RP1: variants seen among roughly 807,000 people sequenced by gnomAD.
The protein encoded by RP1 is RP1 axonemal microtubule associated.
In RP1, 16 loss-of-function variants were observed where a neutral mutation model predicts 14.8. That is an observed-to-expected ratio of 1.08 (90% CI 0.73 to 1.65). The LOEUF (loss-of-function observed/expected upper bound fraction) is 1.65, where lower values mean the gene tolerates loss of function less well. Ranked by LOEUF, RP1 falls within the 40% of genes most tolerant of loss-of-function variation. RP1 has a pLI of 0.00. For missense variants in RP1, 2,631 were observed against 2,535.0 expected (o/e 1.04, Z -0.81); for synonymous variants, 876 against 883.6 (o/e 0.99, Z 0.15).
intron 16 of RP1, among the ~76,000 whole-genome samples, chr8:54,721,897 G>A (rs1430847597): frequency 1.3e-5 from 2 of 152,154 alleles, no homozygotes; most frequent in African/African-American, 4.8e-5. Flanking sequence ...ATTTCTGAGT[G>A]TTAAAAACTC....
At chr8:54,859,591 TGGTGTCACTGTAGAGG>T (rs1339152206) in intron 27 of RP1, among the ~76,000 whole-genome samples, 10 of 151,406 alleles carry the variant, frequency 6.6e-5, no homozygotes, top group Non-Finnish European at 1.3e-4. Flanking sequence ...CACTGTAGGG[TGGTGTCACTGTAGAGG>T]GGTGTCACTG....
At chr8:54,783,421 T>C (rs1810237592) in intron 23 of RP1, 1 of 463,234 alleles carries the variant, frequency 2.2e-6, no homozygotes, top group Non-Finnish European at 3.5e-6. Flanking sequence ...TAAGCAATTA[T>C]TTTAGTACTT....
At chr8:54,707,799 G>A (rs1286978315) in intron 15 of RP1, among the ~76,000 whole-genome samples, 2 of 152,180 alleles carry the variant, frequency 1.3e-5, no homozygotes, top group Admixed American at 6.5e-5. Flanking sequence ...ATGCAAAGGC[G>A]AAGCACATGC....
intron 1 of RP1, among the ~76,000 whole-genome samples, chr8:54,564,111 C>T (rs775214961): frequency 6.6e-5 from 10 of 152,136 alleles, no homozygotes; most frequent in East Asian, 1.9e-4. Flanking sequence ...TTCATGATCC[C>T]GGAATTGTCG....
downstream of RP1, among the ~76,000 whole-genome samples, chr8:54,772,556 G>T (rs916883399): frequency 6.6e-6 from 1 of 152,152 alleles, no homozygotes; most frequent in East Asian, 1.9e-4. Context: ...TTGTTGTGTA[G>T]TCTAAGTGTT....
At chr8:54,751,111 G>T (rs891381535) in intron 19 of RP1, among the ~76,000 whole-genome samples, 13 of 152,176 alleles carry the variant, frequency 8.5e-5, no homozygotes, top group Non-Finnish European at 1.9e-4. Flanking sequence ...AAGTCAGTGA[G>T]ACCACTAACC....
intron 12 of RP1, among the ~76,000 whole-genome samples, chr8:54,690,717 T>C (rs576416851): frequency 6.6e-6 from 1 of 152,154 alleles, no homozygotes; most frequent in South Asian, 2.1e-4. Context: ...GCACCTTTAC[T>C]GAGCTGCAGC....
intron 19 of RP1, among the ~76,000 whole-genome samples, chr8:54,748,239 C>T (rs999352026): frequency 1.3e-5 from 2 of 152,152 alleles, no homozygotes; most frequent in South Asian, 2.1e-4. Flanking sequence ...GTTACTTCTT[C>T]ACTTCAGGGT....
chr8:54,862,727 A>T (rs540254097), intron 27 of RP1, among the ~76,000 whole-genome samples: 1 of 152,036 alleles, frequency 6.6e-6, no homozygotes, highest in South Asian at 2.1e-4. Flanking sequence ...CCCCTGCAAC[A>T]CTGTCTTTTG....
chr8:54,751,613 A>G (rs1809372726), intron 19 of RP1, among the ~76,000 whole-genome samples: 1 of 152,220 alleles, frequency 6.6e-6, no homozygotes. Flanking sequence ...ATAGCAGTGC[A>G]AAGACATAAA....
chr8:54,614,326 T>G (rs73679491), upstream of RP1, among the ~76,000 whole-genome samples: 11,073 of 152,218 alleles, frequency 0.073, 1,273 homozygotes, highest in African/African-American at 0.25. Context: ...GCAATTGAAG[T>G]CATTCTCAGG....
At chr8:54,637,004 C>T (rs963343450) in intron 3 of RP1, among the ~76,000 whole-genome samples, 2 of 152,138 alleles carry the variant, frequency 1.3e-5, no homozygotes, top group Non-Finnish European at 2.9e-5. Flanking sequence ...TATTAGTTTG[C>T]ACCAGTCTGC....
chr8:54,811,130 G>C (rs975925123), intron 24 of RP1, among the ~76,000 whole-genome samples: 1 of 152,188 alleles, frequency 6.6e-6, no homozygotes, highest in Non-Finnish European at 1.5e-5. Context: ...TTAGAGAAGG[G>C]AGAAGCCCCT....
At chr8:54,661,036 G>C (rs1271771454) in intron 6 of RP1, among the ~76,000 whole-genome samples, 1 of 151,538 alleles carries the variant, frequency 6.6e-6, no homozygotes, top group African/African-American at 2.4e-5. Flanking sequence ...AAGGAAGCCT[G>C]AGTGTGGTGG....
rs577813969 is a variant in RP1 at position 54,582,017 on chromosome 8, T to C, written c.-13+22697T>C. ...AGCTCTTTAGTTTAATTAGATCCCA[T>C]TTGTCAATTTTGGCTTTTGTTGCCA... On this transcript the variant is annotated intron_variant, in intron 1 of 22. Transcript: ENST00000636932. Among the ~76,000 whole-genome samples the C allele has an allele frequency of 2.5e-3, 378 of 152,348 alleles. 1 individual carries two copies. The highest frequency in any genetic ancestry group is 8.7e-3 in the South Asian group (42 of 4,826).
chr8:54,641,266 A>G (rs1427052556), intron 3 of RP1, among the ~76,000 whole-genome samples: 3 of 152,036 alleles, frequency 2.0e-5, no homozygotes, highest in Non-Finnish European at 4.4e-5. Context: ...TATAGACACC[A>G]TTGTAATCCA....
intron 1 of RP1, among the ~76,000 whole-genome samples, chr8:54,606,444 A>G (rs376000808): frequency 5.9e-5 from 9 of 152,068 alleles, no homozygotes; most frequent in Admixed American, 2.6e-4. Flanking sequence ...CTTTGTGGGT[A>G]ACCCGACCTT....
At chr8:54,737,718 G>A (rs1007230697) in intron 18 of RP1, among the ~76,000 whole-genome samples, 6 of 152,164 alleles carry the variant, frequency 3.9e-5, no homozygotes, top group Non-Finnish European at 8.8e-5. Flanking sequence ...GCTGCAGTCT[G>A]TAGGGGAAAG....
At chr8:54,848,604 A>G (rs938559934) in intron 25 of RP1, among the ~76,000 whole-genome samples, 4 of 152,228 alleles carry the variant, frequency 2.6e-5, no homozygotes, top group African/African-American at 4.8e-5. Flanking sequence ...CAACTGTGTC[A>G]AAAGAAAATA....
Sources: gnomAD v4.1 joint callset for allele counts (sites outside exome capture counted in the v4.1 genomes callset) on GRCh38, gnomAD v4.1.1 for gene constraint, MANE v1.5 for transcripts, NCBI Gene and HGNC (gene_info 2026-07-23, HGNC 2026-07-21) for gene names.